MYH15: variants seen among roughly 807,000 people sequenced by gnomAD.
MYH15 encodes myosin heavy chain 15, also known as myosin-15.
A neutral mutation model predicts 240.5 loss-of-function variants in MYH15; 227 were observed. The observed-to-expected ratio is 0.94, with a 90% CI of 0.85 to 1.05. The LOEUF (loss-of-function observed/expected upper bound fraction) is 1.05. MYH15 is among the 50% of genes least tolerant of loss of function. MYH15 has a pLI of 0.00. For synonymous variants in MYH15, 785 were observed against 796.7 expected, an observed-to-expected ratio of 0.99 and a Z score of 0.25; for missense variants, 2,217 against 2,247.5, an observed-to-expected ratio of 0.99 and a Z score of 0.27.
the MYH15 span, among the ~76,000 whole-genome samples, chr3:108,547,535 A>G: frequency 1.9e-4 from 16 of 84,604 alleles, 1 homozygote; most frequent in South Asian, 1.4e-3. Flanking sequence ...TCTTGTAGTT[A>G]AAAAAAAATC....
chr3:108,421,243 G>A, intron 27 of MYH15, 29 bp from the exon 28 acceptor site: 1 of 1,604,308 alleles, frequency 6.2e-7, no homozygotes, highest in Non-Finnish European at 8.5e-7. Flanking sequence ...GGGCTGGTCA[G>A]GGCTCACAGA....
chr3:108,391,100 T>C (rs1376514135), intron 37 of MYH15, among the ~76,000 whole-genome samples: 1 of 152,212 alleles, frequency 6.6e-6, no homozygotes, highest in Admixed American at 6.5e-5. Context: ...GGATATACCA[T>C]AAACATGCAA....
chr3:108,458,913 G>A (rs769077272), intron 18 of MYH15, among the ~76,000 whole-genome samples: 1 of 152,118 alleles, frequency 6.6e-6, no homozygotes, highest in Non-Finnish European at 1.5e-5. Context: ...GGACTAGAGG[G>A]TGTTCTCAAC....
At chr3:108,398,247 G>A (rs972407903) in intron 35 of MYH15, among the ~76,000 whole-genome samples, 21 of 152,136 alleles carry the variant, frequency 1.4e-4, no homozygotes, top group African/African-American at 3.6e-4. Context: ...ATGTGAAGGC[G>A]GAAGGTTAGA....
chr3:108,498,666 C>A (rs554452891), intron 5 of MYH15, among the ~76,000 whole-genome samples: 1 of 152,314 alleles, frequency 6.6e-6, no homozygotes, highest in African/African-American at 2.4e-5. Context: ...ATCATAGAAT[C>A]AAGGCCTGCC....
At chr3:108,491,995 C>T (rs1403668938) in intron 9 of MYH15, among the ~76,000 whole-genome samples, 1 of 152,054 alleles carries the variant, frequency 6.6e-6, no homozygotes, top group East Asian at 1.9e-4. Context: ...AATCCCAGCA[C>T]TTTGGGAGGC....
Position 108,441,035 on chromosome 3 carries a change from G to T in MYH15, c.2881C>A (p.Arg961Ser). 11 of 1,614,110 alleles carry T rather than the reference G, an allele frequency of 6.8e-6. No homozygotes were observed. The highest frequency in any genetic ancestry group is 9.3e-6 in the Non-Finnish European group (11 of 1,179,974). Residue 961 changes from arginine (R) to serine (S), a missense_variant, in exon 23 of 41, where the codon CGT (arginine) becomes AGT (serine). Coordinates refer to ENST00000693548, the MANE Select transcript of MYH15 (RefSeq NM_014981.3). ...AAAAGTACCTTGTGCTCTGTAGTAC[G>T]CTTCTCCTTCTCTGACTTCACCAAC... ...TMLVKSEKEK[R>S]TTEHKVKNLT... is the part of the protein sequence containing the mutation.
chr3:108,533,182 T>C (rs970370902), upstream of MYH15, among the ~76,000 whole-genome samples: 3 of 140,102 alleles, frequency 2.1e-5, no homozygotes, highest in African/African-American at 7.8e-5. Context: ...CGAGACCAAG[T>C]TTGCTCTGAA....
the MYH15 span, among the ~76,000 whole-genome samples, chr3:108,541,936 T>C: frequency 1.3e-5 from 2 of 152,104 alleles, no homozygotes; most frequent in African/African-American, 4.8e-5. Flanking sequence ...TATATAAATA[T>C]AGGTATACAC....
Position 108,383,742 on chromosome 3 carries a change from A to AC in MYH15, c.5632-14_5632-13insG, listed in dbSNP as rs750670497. ...TGGCTTGTGTTTCCTATAAAAATAA[A>AC]AAAAAAAAAAAAGAAATCTCCATGC... is the stretch of plus-strand genomic sequence containing the variant. On this transcript the variant is annotated splice_polypyrimidine_tract_variant and intron_variant, in intron 39 of 40. Coordinates refer to ENST00000693548, the MANE Select transcript of MYH15 (RefSeq NM_014981.3). 74 of 1,510,164 alleles carry AC rather than the reference A, an allele frequency of 4.9e-5. No individual in the cohort carries two copies. Among genetic ancestry groups the AC allele is most frequent in the Admixed American group, 1.1e-4 (5 of 45,454 alleles). 93.5% of individuals were successfully genotyped at this position (1,510,164 alleles called of 1,614,324 possible).
intron 2 of MYH15, among the ~76,000 whole-genome samples, chr3:108,504,059 A>G (rs1375636590): frequency 6.6e-6 from 1 of 152,232 alleles, no homozygotes; most frequent in Non-Finnish European, 1.5e-5. Context: ...AAGGCCACCA[A>G]TTATATGCTC....
At chr3:108,406,479 A>G (rs2082547216) in intron 32 of MYH15, among the ~76,000 whole-genome samples, 1 of 152,324 alleles carries the variant, frequency 6.6e-6, no homozygotes, top group East Asian at 1.9e-4. Context: ...CACACTCAAA[A>G]ACAAATGCTT....
intron 18 of MYH15, among the ~76,000 whole-genome samples, chr3:108,458,445 T>C (rs541684145): frequency 6.6e-6 from 1 of 152,152 alleles, no homozygotes; most frequent in South Asian, 2.1e-4. Context: ...TATCACACTT[T>C]CCCAAAATAG....
chr3:108,514,816 C>A (rs528613374), upstream of MYH15, among the ~76,000 whole-genome samples: 7 of 152,200 alleles, frequency 4.6e-5, no homozygotes, highest in East Asian at 1.4e-3. Context: ...ATTATTGTTT[C>A]ACAGGCTCTT....
chr3:108,463,287 TG>T, intron 15 of MYH15, 44 bp from the exon 16 acceptor site: 1 of 1,563,392 alleles, frequency 6.4e-7, no homozygotes, highest in Non-Finnish European at 8.6e-7. Flanking sequence ...GAAAAAAAAC[TG>T]CATAAGTTAA....
intron 7 of MYH15, among the ~76,000 whole-genome samples, chr3:108,494,136 A>G (rs1367873763): frequency 2.0e-5 from 3 of 152,252 alleles, no homozygotes; most frequent in Non-Finnish European, 2.9e-5. Flanking sequence ...GGAAGGCATC[A>G]GGGCAGGACA....
intron 35 of MYH15, among the ~76,000 whole-genome samples, chr3:108,397,547 G>T (rs1455462142): frequency 1.3e-5 from 2 of 152,204 alleles, no homozygotes; most frequent in African/African-American, 4.8e-5. Flanking sequence ...GAGACATTCT[G>T]TGTCTATACC....
chr3:108,534,369 A>C, the MYH15 span, among the ~76,000 whole-genome samples: 1 of 152,202 alleles, frequency 6.6e-6, no homozygotes, highest in South Asian at 2.1e-4. Flanking sequence ...TGTCTCACGA[A>C]TGCTCTATCA....
chr3:108,393,424 C>T (rs1300616041), intron 36 of MYH15, among the ~76,000 whole-genome samples: 1 of 152,346 alleles, frequency 6.6e-6, no homozygotes, highest in East Asian at 1.9e-4. Context: ...CATCTGCCCA[C>T]AGGGGGTGCC....
Sources: allele counts gnomAD v4.1 joint callset (sites outside exome capture counted in the v4.1 genomes callset), GRCh38; gene constraint gnomAD v4.1.1; transcripts MANE v1.5; gene names NCBI Gene and HGNC (gene_info 2026-07-23, HGNC 2026-07-21).